FAM171A1: variants seen among roughly 807,000 people sequenced by gnomAD.
FAM171A1 encodes the protein family with sequence similarity 171 member A1.
Under a neutral mutation model 74.9 loss-of-function variants are expected in FAM171A1, and 23 were observed. That is an observed-to-expected ratio of 0.31 (90% confidence interval 0.22 to 0.44). The LOEUF is 0.44. Among genes scored for constraint, FAM171A1 ranks in the 20% least tolerant of loss-of-function variants. The pLI is 1.00. For missense variants in FAM171A1, 1,162 were observed against 1,159.2 expected (o/e 1.00, Z -0.03); for synonymous variants, 527 against 505.7 (o/e 1.04, Z -0.57).
At chr10:15,326,346 G>A (rs979002282) in intron 1 of FAM171A1, among the ~76,000 whole-genome samples, 4 of 151,752 alleles carry the variant, frequency 2.6e-5, no homozygotes, top group East Asian at 1.9e-4. Context: ...ACGGCATCTC[G>A]CTCTGTCATC....
At chr10:15,265,018 C>G (rs889753732) in intron 3 of FAM171A1, among the ~76,000 whole-genome samples, 2 of 151,782 alleles carry the variant, frequency 1.3e-5, no homozygotes, top group Non-Finnish European at 2.9e-5. Flanking sequence ...CATGATTAAG[C>G]TCAGGAAGCA....
chr10:15,285,497 T>C (rs1044952716), intron 1 of FAM171A1, among the ~76,000 whole-genome samples: 3 of 152,144 alleles, frequency 2.0e-5, no homozygotes, highest in Admixed American at 6.5e-5. Flanking sequence ...GAGGACTCTG[T>C]GATAACCCAG....
chr10:15,337,822 A>C (rs543214546), intron 1 of FAM171A1, among the ~76,000 whole-genome samples: 1 of 152,284 alleles, frequency 6.6e-6, no homozygotes, highest in African/African-American at 2.4e-5. Flanking sequence ...GTGGTGGTGC[A>C]TGCCTGTAGT....
At chr10:15,263,847 T>TCATC (rs1300278506) in intron 3 of FAM171A1, among the ~76,000 whole-genome samples, 63 of 137,292 alleles carry the variant, frequency 4.6e-4, no homozygotes, top group African/African-American at 1.4e-3. Flanking sequence ...TACATTTATC[T>TCATC]CATCTATCTA....
At chr10:15,285,087 T>A (rs1051015827) in intron 1 of FAM171A1, among the ~76,000 whole-genome samples, 1 of 152,348 alleles carries the variant, frequency 6.6e-6, no homozygotes, top group South Asian at 2.1e-4. Context: ...AGGCAAGGGA[T>A]AGTTACCGAA....
At chr10:15,373,280 T>A (rs11596590), upstream of FAM171A1, among the ~76,000 whole-genome samples, 1 of 152,004 alleles carries the variant, frequency 6.6e-6, no homozygotes, top group African/African-American at 2.4e-5. Flanking sequence ...TTCTGATTCC[T>A]GCATCTAAGC....
intron 1 of FAM171A1, among the ~76,000 whole-genome samples, chr10:15,339,099 A>C (rs1835735189): frequency 6.6e-6 from 1 of 152,150 alleles, no homozygotes; most frequent in Admixed American, 6.5e-5. Context: ...TAAATGACTC[A>C]ATTTTAAAAT....
intron 5 of FAM171A1, among the ~76,000 whole-genome samples, chr10:15,247,184 A>G (rs1378855203): frequency 6.6e-6 from 1 of 152,236 alleles, no homozygotes; most frequent in African/African-American, 2.4e-5. Context: ...GTGGAATACT[A>G]TGGACTTATT....
intron 5 of FAM171A1, among the ~76,000 whole-genome samples, chr10:15,227,541 C>T (rs1402892208): frequency 6.6e-6 from 1 of 152,094 alleles, no homozygotes; most frequent in Non-Finnish European, 1.5e-5. Flanking sequence ...TGCTACCATG[C>T]CCAACTAACT....
At chr10:15,216,691 C>A (rs1437240377) in intron 6 of FAM171A1, among the ~76,000 whole-genome samples, 3 of 152,106 alleles carry the variant, frequency 2.0e-5, no homozygotes, top group Non-Finnish European at 2.9e-5. Flanking sequence ...CCTCGGCCTA[C>A]CAAAGTGCTG....
intron 5 of FAM171A1, among the ~76,000 whole-genome samples, chr10:15,236,791 T>C (rs565532784): frequency 6.6e-6 from 1 of 152,328 alleles, no homozygotes; most frequent in East Asian, 1.9e-4. Flanking sequence ...TTAGATGCTG[T>C]CCTTAAAATC....
At position 15,214,130 on chromosome 10, in the gene FAM171A1, C is replaced by T; in HGVS notation, c.1458G>A (p.Arg486=). 2 of 1,614,082 alleles carry T rather than the reference C, an allele frequency of 1.2e-6. No individual in the cohort carries two copies. The highest frequency in any genetic ancestry group is 1.7e-6 in the Non-Finnish European group (2 of 1,180,010). The change falls in exon 8 of 8, where the codon AGG becomes AGA. Residue 486 remains arginine (R), a synonymous_variant. Coordinates refer to ENST00000378116, the MANE Select transcript of FAM171A1 (RefSeq NM_001010924.2). ...GYESSGNDDY[R]GSYNTVLSQP... The stretch of plus-strand genomic sequence containing the variant: ...GTGAGAGCACGGTGTTGTAACTACC[C>T]CTGTAGTCATCATTGCCCGAGGACT...
intron 1 of FAM171A1, among the ~76,000 whole-genome samples, chr10:15,319,253 C>T (rs1007221446): frequency 2.6e-5 from 4 of 152,122 alleles, no homozygotes; most frequent in African/African-American, 4.8e-5. Context: ...GAAAAGTCCA[C>T]GTTCACCAGA....
At chr10:15,284,293 C>G (rs1231535035) in intron 1 of FAM171A1, among the ~76,000 whole-genome samples, 188 bp from the exon 2 acceptor site, 1 of 152,182 alleles carries the variant, frequency 6.6e-6, no homozygotes, top group Admixed American at 6.5e-5. Flanking sequence ...CACAATTTCC[C>G]ATTTTCTTCA....
At chr10:15,254,618 C>A in intron 4 of FAM171A1, 103 bp downstream of exon 4, 1 of 1,291,272 alleles carries the variant, frequency 7.7e-7, no homozygotes, top group South Asian at 1.5e-5. Flanking sequence ...ACCTTCAGTG[C>A]CTTTCTCCCA....
At chr10:15,349,284 G>C (rs573471357) in intron 1 of FAM171A1, among the ~76,000 whole-genome samples, 6 of 152,158 alleles carry the variant, frequency 3.9e-5, no homozygotes, top group Non-Finnish European at 7.3e-5. Flanking sequence ...CTGTCCACCT[G>C]GAACAGCAAT....
In FAM171A1 at chr10:15,214,439, G is replaced by C. The variant is rs1588491045; in HGVS notation, c.1149C>G (p.Gly383=). 1 of 1,614,152 alleles carries C rather than the reference G, an allele frequency of 6.2e-7. No homozygotes were observed. Among genetic ancestry groups the C allele is most frequent in the Non-Finnish European group, 8.5e-7 (1 of 1,180,042 alleles). ...CCTTCGTGCCGGGGGCCTCGGGGCG[G>C]CCGTGGCTGGTGACGGACAGCGGGC... ...FPGPLSVTSH[G]RPEAPGTKEL... The change falls in exon 8 of 8, where the codon GGC becomes GGG. Residue 383 remains glycine, a synonymous_variant. Transcript: ENST00000378116.
chr10:15,261,939 C>A (rs1179905654), intron 3 of FAM171A1, among the ~76,000 whole-genome samples: 1 of 152,022 alleles, frequency 6.6e-6, no homozygotes, highest in African/African-American at 2.4e-5. Context: ...GCAACATAGA[C>A]CCCATCTCTA....
At chr10:15,290,581 C>T (rs1835091265) in intron 1 of FAM171A1, among the ~76,000 whole-genome samples, 1 of 152,168 alleles carries the variant, frequency 6.6e-6, no homozygotes, top group Admixed American at 6.5e-5. Context: ...ACCCCTGACC[C>T]TCAGGAGCTT....
Sources: gnomAD v4.1 joint callset for allele counts (sites outside exome capture counted in the v4.1 genomes callset) on GRCh38, gnomAD v4.1.1 for gene constraint, MANE v1.5 for transcripts, NCBI Gene and HGNC (gene_info 2026-07-23, HGNC 2026-07-21) for gene names.